Variants in PCDHA1 observed in about 807,000 individuals in gnomAD.
The protein encoded by PCDHA1 is protocadherin alpha-1.
A neutral mutation model predicts 61.3 loss-of-function variants in PCDHA1; 42 were observed. The ratio of observed to expected loss-of-function variants is 0.69; its 90% confidence interval spans 0.54 to 0.89. The LOEUF is 0.89. PCDHA1 is among the 40% of genes least tolerant of loss of function. The probability of loss-of-function intolerance (pLI) is 0.00; values close to 1 mark genes in which losing one functional copy is unlikely to be tolerated. For synonymous variants in PCDHA1, 610 were observed against 553.8 expected (o/e 1.10, Z -1.43); for missense variants, 1,256 against 1,235.3 (o/e 1.02, Z -0.25).
chr5:140,829,268 G>A (rs1194699670), intron 1 of PCDHA1: 17 of 1,614,092 alleles, frequency 1.1e-5, no homozygotes, highest in Non-Finnish European at 1.2e-5. Flanking sequence ...GACGCCTCAC[G>A]TCCCTTTCAA....
At chr5:140,906,158 C>G (rs1186216636) in intron 1 of PCDHA1, among the ~76,000 whole-genome samples, 1 of 152,140 alleles carries the variant, frequency 6.6e-6, no homozygotes, top group East Asian at 1.9e-4. Context: ...CACAGACACA[C>G]CCAGGAACAA....
rs782304851 is a variant in PCDHA1 at position 140,856,941 on chromosome 5, C to T, written c.2394+68257C>T. ...AGGAAATTTTGGATAAACGAAAGGA[C>T]GGGAGAAATAAAAGTAAATGATGCT... On this transcript the variant is annotated intron_variant, in intron 1 of 3. Coordinates refer to ENST00000504120, the MANE Select transcript of PCDHA1 (RefSeq NM_018900.4). The T allele has an allele frequency of 1.9e-6, 3 of 1,592,588 alleles. No homozygotes were observed. Among genetic ancestry groups the T allele is most frequent in the Admixed American group, 3.4e-5 (2 of 59,186 alleles).
chr5:140,795,638 C>T lies in PCDHA1; in HGVS notation c.2394+6954C>T. On this transcript the variant is annotated intron_variant, in intron 1 of 3. Coordinates refer to ENST00000504120, the MANE Select transcript of PCDHA1 (RefSeq NM_018900.4). ...GGGGGCAAACCTGAGCTCACGGGCA[C>T]CGTTCAAATACTTATTAAGGTATTA... 1.9e-6 allele frequency: 3 copies of T among 1,614,096 alleles called. No individual in the cohort carries two copies. In the Admixed American group the frequency reaches 5.0e-5, roughly 27 times the overall value.
Position 140,850,388 on chromosome 5 carries a change from C to G in PCDHA1, c.2394+61704C>G. On this transcript the variant is annotated intron_variant, in intron 1 of 3. Coordinates refer to ENST00000504120, the MANE Select transcript of PCDHA1 (RefSeq NM_018900.4). Reference sequence around the variant, plus strand: ...GCGTGGGGCTGTACACGGGCGAGATCAGCACAACGCGTGCCCTGGACGAAA... The same window carrying G: ...GCGTGGGGCTGTACACGGGCGAGATGAGCACAACGCGTGCCCTGGACGAAA... 1.9e-6 allele frequency: 3 copies of G among 1,597,966 alleles called. No individual in the cohort carries two copies. In the African/African-American group the frequency reaches 4.0e-5, roughly 21 times the overall value.
chr5:140,887,317 C>T lies in PCDHA1; in HGVS notation c.2395-91632C>T, dbSNP rs10066665. ...TTCATCTTGTTAGCCAGGATAGTCT[C>T]GAACTCCTGACCTCGTGATCCACCT... On this transcript the variant is annotated intron_variant, in intron 1 of 3. Transcript: ENST00000504120. Among the ~76,000 whole-genome samples the T allele has an allele frequency of 7.3e-3, 1,116 of 152,162 alleles. 15 individuals carry two copies. The highest frequency in any genetic ancestry group is 0.025 in the African/African-American group (1,043 of 41,520).
intron 1 of PCDHA1, among the ~76,000 whole-genome samples, chr5:140,950,472 T>C (rs782525513): frequency 2.0e-5 from 3 of 152,084 alleles, no homozygotes; most frequent in East Asian, 1.9e-4. Context: ...TCATAGTTTC[T>C]GATGAGAAGT....
chr5:140,990,205 G>T (rs2097380865), intron 3 of PCDHA1, among the ~76,000 whole-genome samples: 1 of 152,116 alleles, frequency 6.6e-6, no homozygotes, highest in Non-Finnish European at 1.5e-5. Context: ...ACCCGAAAGA[G>T]AACAAAGAGA....
At chr5:140,973,414 C>G (rs992904408) in intron 1 of PCDHA1, among the ~76,000 whole-genome samples, 1 of 152,204 alleles carries the variant, frequency 6.6e-6, no homozygotes, top group Non-Finnish European at 1.5e-5. Flanking sequence ...GCTTCCACTC[C>G]AGTTTTTCAT....
intron 1 of PCDHA1, among the ~76,000 whole-genome samples, chr5:140,800,369 A>T (rs1246273888): frequency 6.6e-6 from 1 of 152,154 alleles, no homozygotes; most frequent in Non-Finnish European, 1.5e-5. Context: ...CATGGGAGGG[A>T]ATTACAGACA....
intron 3 of PCDHA1, among the ~76,000 whole-genome samples, chr5:141,000,413 A>AT (rs2097920175): frequency 1.1e-5 from 1 of 93,256 alleles, no homozygotes; most frequent in African/African-American, 4.5e-5. Context: ...ATATATATAT[A>AT]TATATATATT....
rs782385792 is a variant in PCDHA1, at chr5:140,797,102, T to C, written c.2394+8418T>C. 58 of 1,613,876 alleles carry C rather than the reference T, an allele frequency of 3.6e-5. No individual in the cohort carries two copies. In the Admixed American group the frequency reaches 9.7e-4, roughly 27 times the overall value. ...TGCGCGGTATCCAGCCTGTTGGTGC[T>C]CACGGTGCTGCTGTACACTGCGCTG... On this transcript the variant is annotated intron_variant, in intron 1 of 3. Coordinates refer to ENST00000504120, the MANE Select transcript of PCDHA1 (RefSeq NM_018900.4).
rs1554122811 is a variant in PCDHA1, at chr5:140,803,430, G to T, written c.2394+14746G>T. 3 of 1,614,252 alleles carry T rather than the reference G, an allele frequency of 1.9e-6. No individual in the cohort carries two copies. In the Admixed American group the frequency reaches 5.0e-5, roughly 27 times the overall value. On this transcript the variant is annotated intron_variant, in intron 1 of 3. Transcript: ENST00000504120. ...GCCCACGCTGGTGTGCTCCAGCGCGGTGGGGAGCTGGTCATACTCGCAGCA... is the reference window on the plus strand; with the variant it reads ...GCCCACGCTGGTGTGCTCCAGCGCGTTGGGGAGCTGGTCATACTCGCAGCA...
rs1770654887 is a variant in PCDHA1, at chr5:140,829,892, T to G, written c.2394+41208T>G. 1 of 1,613,924 alleles carries G rather than the reference T, an allele frequency of 6.2e-7. No individual in the cohort carries two copies. The highest frequency in any genetic ancestry group is 8.5e-7 in the Non-Finnish European group (1 of 1,179,884). On this transcript the variant is annotated intron_variant, in intron 1 of 3. Coordinates refer to ENST00000504120, the MANE Select transcript of PCDHA1 (RefSeq NM_018900.4). The stretch of plus-strand genomic sequence containing the variant: ...GAAGGTGCGCGCAGTTGACGCCGAC[T>G]CAGGCTACAACGCGTGGCTTTCGTA...
chr5:140,875,198 G>T (rs782209612), intron 1 of PCDHA1: 16 of 552,110 alleles, frequency 2.9e-5, no homozygotes, highest in Non-Finnish European at 4.5e-5. Flanking sequence ...GACCCAGGAA[G>T]TGGCTAAACC....
In PCDHA1 at chr5:140,883,374, T is replaced by G. The variant is rs1554177931; in HGVS notation, c.2394+94690T>G. The G allele has an allele frequency of 2.5e-6, 4 of 1,614,054 alleles. No individual in the cohort carries two copies. The African/African-American group carries it at 5.3e-5, about 22-fold the overall frequency. On this transcript the variant is annotated intron_variant, in intron 1 of 3. Transcript: ENST00000504120. ...GAAGACACTCAGCCTAGCGCCATTA[T>G]TGCCCTAATCAGTGTGTCCGATCGT...
chr5:140,938,765 AC>A (rs1309568560), intron 1 of PCDHA1, among the ~76,000 whole-genome samples: 1 of 152,182 alleles, frequency 6.6e-6, no homozygotes, highest in Non-Finnish European at 1.5e-5. Context: ...GTTATTGGGT[AC>A]TAGACTTAGT....
At chr5:140,930,712 A>T (rs1584689351) in intron 1 of PCDHA1, among the ~76,000 whole-genome samples, 1 of 152,234 alleles carries the variant, frequency 6.6e-6, no homozygotes, top group Non-Finnish European at 1.5e-5. Flanking sequence ...ATTCTTCCTC[A>T]AGTAATGATG....
At chr5:140,807,903 C>T (rs782791250) in intron 1 of PCDHA1, 3 of 1,614,014 alleles carry the variant, frequency 1.9e-6, no homozygotes, top group East Asian at 2.2e-5. Context: ...AATGACAATG[C>T]CCCAGCTTTT....
chr5:141,009,269 A>G (rs2098404104), intron 3 of PCDHA1, among the ~76,000 whole-genome samples: 1 of 152,140 alleles, frequency 6.6e-6, no homozygotes, highest in Non-Finnish European at 1.5e-5. Flanking sequence ...AGCCTGGGCA[A>G]CATAGTGAGA....
Sources: allele counts gnomAD v4.1 joint callset (sites outside exome capture counted in the v4.1 genomes callset), GRCh38; gene constraint gnomAD v4.1.1; transcripts MANE v1.5; gene names NCBI Gene and HGNC (gene_info 2026-07-23, HGNC 2026-07-21).